GPR39: variants seen among roughly 807,000 people sequenced by gnomAD.
GPR39 encodes the protein G protein-coupled receptor 39.
GPR39 carries 23 observed loss-of-function variants against 18.4 expected under a neutral mutation model. The observed-to-expected ratio is 1.25, with a 90% CI of 0.90 to 1.77. The LOEUF is 1.77. Among genes scored for constraint, GPR39 ranks in the 40% most tolerant of loss-of-function variants. GPR39 has a pLI of 0.00. For synonymous variants in GPR39, 280 were observed against 257.9 expected, an observed-to-expected ratio of 1.09 and a Z score of -0.82; for missense variants, 647 against 602.4, an observed-to-expected ratio of 1.07 and a Z score of -0.78.
intron 1 of GPR39, among the ~76,000 whole-genome samples, chr2:132,543,924 G>T (rs1239563827): frequency 6.6e-6 from 1 of 152,184 alleles, no homozygotes; most frequent in Admixed American, 6.5e-5. Flanking sequence ...TTTCAGGAAA[G>T]CAGAAATTGC....
chr2:132,553,785 C>A (rs191060954), intron 1 of GPR39, among the ~76,000 whole-genome samples: 12 of 152,212 alleles, frequency 7.9e-5, no homozygotes, highest in Admixed American at 6.5e-5. Context: ...TGTCATCCTG[C>A]CTTAGCAGAA....
chr2:132,573,916 A>G (rs1680485057), intron 1 of GPR39, among the ~76,000 whole-genome samples: 1 of 152,228 alleles, frequency 6.6e-6, no homozygotes, highest in Non-Finnish European at 1.5e-5. Context: ...TAAACGCTAG[A>G]TTTTAACTCT....
At position 132,525,777 on chromosome 2, in the gene GPR39, G is replaced by T. The variant is rs552084888; in HGVS notation, c.856+107879G>T. On this transcript the variant is annotated intron_variant, in intron 1 of 1. Coordinates refer to ENST00000329321, the MANE Select transcript of GPR39 (RefSeq NM_001508.3). ...TCTCCAAGGCCAGTTATAGGCAAAGGTCACGTGTGTGACAAGGAAGACATG... is the reference window on the plus strand; with the variant it reads ...TCTCCAAGGCCAGTTATAGGCAAAGTTCACGTGTGTGACAAGGAAGACATG... Among the ~76,000 whole-genome samples the T allele has an allele frequency of 2.4e-4, 37 of 152,260 alleles. No homozygotes were observed. The Middle Eastern group carries it at 0.02, about 84-fold the overall frequency.
chr2:132,546,915 C>A (rs1208897768), intron 1 of GPR39, among the ~76,000 whole-genome samples: 1 of 145,444 alleles, frequency 6.9e-6, no homozygotes, highest in Admixed American at 6.9e-5. Context: ...GAGGAAAGGG[C>A]TGGCTGACAT....
At chr2:132,505,700 G>A (rs1427338977) in intron 1 of GPR39, among the ~76,000 whole-genome samples, 1 of 152,132 alleles carries the variant, frequency 6.6e-6, no homozygotes, top group African/African-American at 2.4e-5. Context: ...ATGAACTCCA[G>A]TTCTATCCAT....
Position 132,645,861 on chromosome 2 carries a change from G to A in GPR39, c.*255G>A, listed in dbSNP as rs2104888439. Reference sequence around the variant, plus strand: ...AAGTACATACTGAAAATTCAGTCAGGCTGAATTTATTCAGAATGCTTTACC... The same window carrying A: ...AAGTACATACTGAAAATTCAGTCAGACTGAATTTATTCAGAATGCTTTACC... On this transcript the variant is annotated 3_prime_UTR_variant, in exon 2 of 2. Coordinates refer to ENST00000329321, the MANE Select transcript of GPR39 (RefSeq NM_001508.3). 1 of 654,508 alleles carries A rather than the reference G, an allele frequency of 1.5e-6. No individual in the cohort carries two copies. The highest frequency in any genetic ancestry group is 2.5e-6 in the Non-Finnish European group (1 of 392,648). The allele number at this position is 654,508 out of a possible 1,614,324, so 40.5% of individuals were successfully genotyped here.
chr2:132,445,997 G>A (rs552412733), intron 1 of GPR39, among the ~76,000 whole-genome samples: 9 of 152,286 alleles, frequency 5.9e-5, no homozygotes, highest in Middle Eastern at 3.4e-3. Context: ...AGCCAGAAGC[G>A]GGGGTGTGTT....
At chr2:132,447,812 A>G (rs1680563689) in intron 1 of GPR39, among the ~76,000 whole-genome samples, 1 of 152,176 alleles carries the variant, frequency 6.6e-6, no homozygotes, top group African/African-American at 2.4e-5. Flanking sequence ...AAAGCTATTG[A>G]CCTTTGGATT....
At chr2:132,581,036 A>T (rs1680614203) in intron 1 of GPR39, among the ~76,000 whole-genome samples, 1 of 151,328 alleles carries the variant, frequency 6.6e-6, no homozygotes, top group South Asian at 2.1e-4. Flanking sequence ...CTTTTGTGGT[A>T]GTATAAAGAT....
At chr2:132,433,677 A>G (rs1318040951) in intron 1 of GPR39, 2 of 150,688 alleles carry the variant, frequency 1.3e-5, no homozygotes, top group African/African-American at 4.9e-5. Context: ...TGTAAGGACC[A>G]TTAAAAAAAA....
At chr2:132,637,015 GACTT>G (rs1391128046) in intron 1 of GPR39, among the ~76,000 whole-genome samples, 1 of 152,154 alleles carries the variant, frequency 6.6e-6, no homozygotes, top group East Asian at 1.9e-4. Flanking sequence ...CACATTTTAG[GACTT>G]ACTATCAGTG....
intron 1 of GPR39, among the ~76,000 whole-genome samples, chr2:132,610,793 A>AAC (rs1360863659): frequency 1.3e-5 from 2 of 151,654 alleles, no homozygotes; most frequent in African/African-American, 4.8e-5. Flanking sequence ...AAAAAAAAAA[A>AAC]AAAAAGAAGA....
At chr2:132,498,773 G>T (rs560487413) in intron 1 of GPR39, among the ~76,000 whole-genome samples, 2 of 152,264 alleles carry the variant, frequency 1.3e-5, no homozygotes, top group South Asian at 2.1e-4. Context: ...CAGGAGCAAG[G>T]TGTATCACAT....
At chr2:132,524,470 C>G (rs1282618925) in intron 1 of GPR39, among the ~76,000 whole-genome samples, 1 of 152,156 alleles carries the variant, frequency 6.6e-6, no homozygotes, top group Non-Finnish European at 1.5e-5. Context: ...GTCAAGATTG[C>G]CAGGAGTGGG....
chr2:132,641,442 GA>G (rs1245832279), intron 1 of GPR39, among the ~76,000 whole-genome samples: 1 of 152,150 alleles, frequency 6.6e-6, no homozygotes, highest in Non-Finnish European at 1.5e-5. Flanking sequence ...GGAATGGGAA[GA>G]GGGGGAGCCT....
At chr2:132,457,791 G>T (rs539090523) in intron 1 of GPR39, among the ~76,000 whole-genome samples, 49 of 152,330 alleles carry the variant, frequency 3.2e-4, no homozygotes, top group African/African-American at 1.1e-3. Context: ...GCTCCGCCCA[G>T]TTTGAGCTTC....
intron 1 of GPR39, among the ~76,000 whole-genome samples, chr2:132,550,350 C>T (rs1255725610): frequency 2.0e-5 from 3 of 152,138 alleles, no homozygotes; most frequent in Non-Finnish European, 4.4e-5. Context: ...ATGGCAAGCC[C>T]GAGTCTTTGG....
Position 132,417,913 on chromosome 2 carries a change from G to A in GPR39, c.856+15G>A, listed in dbSNP as rs1463741550. ...CATCTTCCTGAGTGAGTCCTAAGTCGGGGGCAACACGTGAGCAGCTTCCCA... is the reference window on the plus strand; with the variant it reads ...CATCTTCCTGAGTGAGTCCTAAGTCAGGGGCAACACGTGAGCAGCTTCCCA... On this transcript the variant is annotated intron_variant, in intron 1 of 1. Coordinates refer to ENST00000329321, the MANE Select transcript of GPR39 (RefSeq NM_001508.3). The A allele has an allele frequency of 2.6e-6, 4 of 1,560,534 alleles. No individual in the cohort carries two copies. The highest frequency in any genetic ancestry group is 3.5e-5 in the Admixed American group (2 of 57,926).
At chr2:132,421,393 C>G (rs1360502091) in intron 1 of GPR39, among the ~76,000 whole-genome samples, 1 of 152,132 alleles carries the variant, frequency 6.6e-6, no homozygotes. Flanking sequence ...CTGCAACTAC[C>G]TCCTAGAGAA....
Sources: allele counts gnomAD v4.1 joint callset (sites outside exome capture counted in the v4.1 genomes callset), GRCh38; gene constraint gnomAD v4.1.1; transcripts MANE v1.5; gene names NCBI Gene and HGNC (gene_info 2026-07-23, HGNC 2026-07-21).